Variants in OPLAH observed in about 807,000 individuals in gnomAD.
OPLAH encodes the protein 5-oxoprolinase.
In OPLAH, 103 loss-of-function variants were observed where a neutral mutation model predicts 122.8. The observed-to-expected ratio is 0.84, with a 90% CI of 0.71 to 0.99. OPLAH has a LOEUF of 0.99. OPLAH is among the 50% of genes least tolerant of loss of function. OPLAH has a pLI of 0.00. For synonymous variants in OPLAH, 875 were observed against 796.0 expected (o/e 1.10, Z -1.67); for missense variants, 1,902 against 1,836.5 (o/e 1.04, Z -0.65).
rs1835494505 is a variant in OPLAH at position 144,055,673 on chromosome 8, C to T, written c.2248+115G>A. 1.1e-5 allele frequency: 14 copies of T among 1,293,664 alleles called. No individual in the cohort carries two copies. Among genetic ancestry groups the T allele is most frequent in the Admixed American group, 3.2e-5 (1 of 31,322 alleles). 80.1% of individuals were successfully genotyped at this position (1,293,664 alleles called of 1,614,324 possible). A position where few individuals can be genotyped will look rare whatever the true frequency, so the allele number is the denominator to read the frequency against. On this transcript the variant is annotated intron_variant, in intron 16 of 26. Coordinates refer to ENST00000618853, the MANE Select transcript of OPLAH (RefSeq NM_017570.5). The surrounding 1 kb of genome is among the most constrained non-coding windows in gnomAD (Gnocchi z 6.5). ...ACACCAGTGCTGCGGCCACACTGCC[C>T]GCCCCGTCGCCAGGGGGTCCTGCTT...
Position 144,051,294 on chromosome 8 carries a change from G to C in OPLAH, c.*32C>G, listed in dbSNP as rs782140510. ...GCGCCGTAGCTGCGTCCCCAGAACC[G>C]GGAGACTTAAGGCATCTTTATTGCG... On this transcript the variant is annotated 3_prime_UTR_variant, in exon 27 of 27. Coordinates refer to ENST00000618853, the MANE Select transcript of OPLAH (RefSeq NM_017570.5). 2 of 1,608,678 alleles carry C rather than the reference G, an allele frequency of 1.2e-6. No individual in the cohort carries two copies. Among genetic ancestry groups the C allele is most frequent in the Non-Finnish European group, 1.7e-6 (2 of 1,178,308 alleles).
chr8:144,051,482 C>CGGGGGGGGGGGGGGTGGGGGG lies in OPLAH; in HGVS notation c.3721-11_3721-10insCCCCCCACCCCCCCCCCCCCC. On this transcript the variant is annotated splice_polypyrimidine_tract_variant and intron_variant, in intron 26 of 26. Coordinates refer to ENST00000618853, the MANE Select transcript of OPLAH (RefSeq NM_017570.5). Reference sequence around the variant, plus strand: ...GGAGACAGAACACATCCTGTTGGCGCGGGGGGGGGCGGGGAGGCGGGCTCA... The same window carrying CGGGGGGGGGGGGGGTGGGGGG: ...GGAGACAGAACACATCCTGTTGGCGCGGGGGGGGGGGGGGTGGGGGGGGGGGGGGGCGGGGAGGCGGGCTCA... The CGGGGGGGGGGGGGGTGGGGGG allele has an allele frequency of 3.6e-6, 1 of 278,384 alleles. No individual in the cohort carries two copies. 17.2% of individuals were successfully genotyped at this position (278,384 alleles called of 1,614,324 possible).
Position 144,056,532 on chromosome 8 carries a change from C to CTGA in OPLAH, c.1845-10_1845-9insTCA. On this transcript the variant is annotated splice_polypyrimidine_tract_variant and intron_variant, in intron 13 of 26. Coordinates refer to ENST00000618853, the MANE Select transcript of OPLAH (RefSeq NM_017570.5). ...CAAACTCCCTCATGTACCTGCACTC[C>CTGA]CCGCGGGGACCCAAGGAGTGGTCAG... The CTGA allele has an allele frequency of 6.2e-7, 1 of 1,612,142 alleles. No homozygotes were observed. The highest frequency in any genetic ancestry group is 8.5e-7 in the Non-Finnish European group (1 of 1,179,644).
At chr8:144,051,857 CCAGGGGCGGGGG>C in intron 25 of OPLAH, 31 bp from the exon 26 acceptor site, 3 of 1,142,154 alleles carry the variant, frequency 2.6e-6, no homozygotes, top group Admixed American at 4.4e-5. Context: ...TCCAGAGAGA[CCAGGGGCGGGGG>C]TGGGGGCGGG....
chr8:144,055,806 G>C lies in OPLAH; in HGVS notation c.2230C>G (p.Arg744Gly). The part of the protein sequence containing the change: ...DPIQLSIFSH[R>G]FMSIAEQMGR... ...CACTCACCAGCAATGCTCATGAAGC[G>C]GTGTGAGAAGATGGACAGCTGGATA... The change falls in exon 16 of 27, where the codon CGC (arginine) becomes GGC (glycine). Residue 744 changes from arginine to glycine, a missense_variant. Physicochemically the swap from Arg to Gly is moderately radical, Grantham distance 125. Coordinates refer to ENST00000618853, the MANE Select transcript of OPLAH (RefSeq NM_017570.5). This position sits in a 1 kb window ranked among gnomAD's most constrained non-coding sequence, Gnocchi z 6.5. 6.4e-7 allele frequency: 1 copy of C among 1,554,374 alleles called. No homozygotes were observed. Among genetic ancestry groups the C allele is most frequent in the African/African-American group, 1.4e-5 (1 of 73,238 alleles).
chr8:144,055,955 C>A lies in OPLAH; in HGVS notation c.2097-16G>T. 6.4e-7 allele frequency: 1 copy of A among 1,554,312 alleles called. No homozygotes were observed. The highest frequency in any genetic ancestry group is 8.7e-7 in the Non-Finnish European group (1 of 1,146,802). On this transcript the variant is annotated splice_polypyrimidine_tract_variant and intron_variant, in intron 15 of 26. Coordinates refer to ENST00000618853, the MANE Select transcript of OPLAH (RefSeq NM_017570.5). The surrounding 1 kb of genome is among the most constrained non-coding windows in gnomAD (Gnocchi z 6.5). Reference sequence around the variant, plus strand: ...CAGGATGGTGCTGGGGAGCAGAGGGCACAGAGGGCTGCATGGGGCCAGGCG... The same window carrying A: ...CAGGATGGTGCTGGGGAGCAGAGGGAACAGAGGGCTGCATGGGGCCAGGCG...
downstream of OPLAH, chr8:144,050,445 T>C (rs1025394585): frequency 1.0e-4 from 103 of 985,402 alleles, no homozygotes; most frequent in Non-Finnish European, 1.2e-4. Context: ...TAAACTTCGA[T>C]AACTGCTGGA....
intron 12 of OPLAH, 26 bp from the exon 13 acceptor site, chr8:144,056,781 A>C: frequency 6.3e-7 from 1 of 1,589,182 alleles, no homozygotes; most frequent in Non-Finnish European, 8.6e-7. Flanking sequence ...GGGGGCACTC[A>C]CACCAAACCC....
At position 144,054,669 on chromosome 8, in the gene OPLAH, C is replaced by G; in HGVS notation, c.2578G>C (p.Gly860Arg). ...GGCATGGAGCCTGGTGTGATGCCCC[C>G]GATGTCTGCGTGGTGCCCTCGGCTG... ...VASRGHHADI[G>R]GITPGSMPPH... Residue 860 changes from glycine to arginine, a missense_variant, in exon 19 of 27, where the codon GGG (glycine) becomes CGG (arginine). Transcript: ENST00000618853. 1 of 1,612,490 alleles carries G rather than the reference C, an allele frequency of 6.2e-7. No individual in the cohort carries two copies. Among genetic ancestry groups the G allele is most frequent in the Non-Finnish European group, 8.5e-7 (1 of 1,179,782 alleles).
Position 144,051,491 on chromosome 8 carries a change from G to GTGTT in OPLAH, c.3721-20_3721-19insAACA. Reference sequence around the variant, plus strand: ...ACACATCCTGTTGGCGCGGGGGGGGGCGGGGAGGCGGGCTCAGTGCAGGCG... The same window carrying GTGTT: ...ACACATCCTGTTGGCGCGGGGGGGGGTGTTCGGGGAGGCGGGCTCAGTGCAGGCG... On this transcript the variant is annotated intron_variant, in intron 26 of 26. Coordinates refer to ENST00000618853, the MANE Select transcript of OPLAH (RefSeq NM_017570.5). 1 of 1,381,856 alleles carries GTGTT rather than the reference G, an allele frequency of 7.2e-7. No homozygotes were observed. 85.6% of individuals were successfully genotyped at this position (1,381,856 alleles called of 1,614,324 possible).
Position 144,055,251 on chromosome 8 carries a change from G to A in OPLAH, c.2249-62C>T, listed in dbSNP as rs1358188168. On this transcript the variant is annotated intron_variant, in intron 16 of 26. Coordinates refer to ENST00000618853, the MANE Select transcript of OPLAH (RefSeq NM_017570.5). This position sits in a 1 kb window ranked among gnomAD's most constrained non-coding sequence, Gnocchi z 6.5. ...CCACCCACAGCCTGGCCCCAGGAAA[G>A]GGAGGAACAGGACCCACCAGGACTC... The A allele has an allele frequency of 1.4e-6, 2 of 1,467,620 alleles. No individual in the cohort carries two copies. Among genetic ancestry groups the A allele is most frequent in the African/African-American group, 1.4e-5 (1 of 70,458 alleles). The allele number at this position is 1,467,620 out of a possible 1,614,324, so 90.9% of individuals were successfully genotyped here.
In OPLAH at chr8:144,058,448, C is replaced by T. The variant is rs782310840; in HGVS notation, c.784-44G>A. ...CGGGCCATGAGGGGCAGGCCAAGGCCCAGGCCCAGGCCCAGGAGTGGGCAG... is the reference window on the plus strand; with the variant it reads ...CGGGCCATGAGGGGCAGGCCAAGGCTCAGGCCCAGGCCCAGGAGTGGGCAG... On this transcript the variant is annotated intron_variant, in intron 6 of 26. Transcript: ENST00000618853. 3 of 1,577,670 alleles carry T rather than the reference C, an allele frequency of 1.9e-6. No individual in the cohort carries two copies. The African/African-American group carries it at 4.0e-5, about 21-fold the overall frequency.
At chr8:144,050,991 G>A (rs782049487), downstream of OPLAH, 1 of 1,090,578 alleles carries the variant, frequency 9.2e-7, no homozygotes, top group African/African-American at 1.7e-5. Context: ...CGGCCTTCCC[G>A]GCAGAAGCCG....
In OPLAH at chr8:144,051,798, G is replaced by A. The variant is rs369984464; in HGVS notation, c.3651C>T (p.Asn1217=). Reference sequence around the variant, plus strand: ...TCCGGCCGTTTTTGCGGATCAGCAGGTTTAGGCCGCGGGCGCCAGGCTCGC... The same window carrying A: ...TCCGGCCGTTTTTGCGGATCAGCAGATTTAGGCCGCGGGCGCCAGGCTCGC... ...HGGEPGARGL[N]LLIRKNGRTV... Residue 1217 remains asparagine (N), a synonymous_variant, in exon 26 of 27, where the codon AAC becomes AAT. Coordinates refer to ENST00000618853, the MANE Select transcript of OPLAH (RefSeq NM_017570.5). 70 of 1,601,744 alleles carry A rather than the reference G, an allele frequency of 4.4e-5. 1 individual carries two copies. Among genetic ancestry groups the A allele is most frequent in the South Asian group, 5.6e-5 (5 of 89,764 alleles).
In OPLAH at chr8:144,051,492, C is replaced by CGGGGGGGG; in HGVS notation, c.3721-21_3721-20insCCCCCCCC. ...CACATCCTGTTGGCGCGGGGGGGGGCGGGGAGGCGGGCTCAGTGCAGGCGT... is the reference window on the plus strand; with the variant it reads ...CACATCCTGTTGGCGCGGGGGGGGGCGGGGGGGGGGGGAGGCGGGCTCAGTGCAGGCGT... On this transcript the variant is annotated intron_variant, in intron 26 of 26. Transcript: ENST00000618853. The CGGGGGGGG allele has an allele frequency of 2.4e-6, 1 of 413,256 alleles. No individual in the cohort carries two copies. Among genetic ancestry groups the CGGGGGGGG allele is most frequent in the Non-Finnish European group, 3.4e-6 (1 of 292,056 alleles). The allele number at this position is 413,256 out of a possible 1,614,324, so 25.6% of individuals were successfully genotyped here.
chr8:144,054,804 C>A lies in OPLAH; in HGVS notation c.2511+8G>T, dbSNP rs782118696. On this transcript the variant is annotated splice_region_variant and intron_variant, in intron 18 of 26. Transcript: ENST00000618853. ...CCCCAGCAGAGGCAGGCGGGCAGCA[C>A]CCCTCACCGGTGTGATAACAGTCAG... The A allele has an allele frequency of 1.9e-6, 3 of 1,612,110 alleles. No individual in the cohort carries two copies. The South Asian group carries it at 3.3e-5, about 18-fold the overall frequency.
At chr8:144,056,113 C>G (rs782228474) in intron 15 of OPLAH, 34 bp downstream of exon 15, 2 of 1,585,544 alleles carry the variant, frequency 1.3e-6, no homozygotes, top group South Asian at 2.2e-5. Context: ...GTGGACCCGT[C>G]CACATCCTCC....
chr8:144,059,905 T>C lies in OPLAH; in HGVS notation c.128A>G (p.Tyr43Cys). Residue 43 changes from tyrosine to cysteine, a missense_variant, in exon 2 of 27, where the codon TAT (tyrosine) becomes TGT (cysteine). This residue lies in a region of OPLAH where 168 missense variants were observed against 170.6 expected (regional missense o/e 0.98). Coordinates refer to ENST00000618853, the MANE Select transcript of OPLAH (RefSeq NM_017570.5). ...GATGCCTTCGGTTGGCGCGTCCGCA[T>C]AGTTGGCAGGGTCCTCTGAGAGCAG... ...LKLLSEDPANYADAPTEGIRR... is the reference protein window; with the variant it reads ...LKLLSEDPANCADAPTEGIRR... The C allele has an allele frequency of 2.5e-6, 4 of 1,612,782 alleles. No homozygotes were observed. Among genetic ancestry groups the C allele is most frequent in the Non-Finnish European group, 3.4e-6 (4 of 1,179,824 alleles).
In OPLAH at chr8:144,051,346, G is replaced by A. The variant is rs1293057372; in HGVS notation, c.3847C>T (p.Arg1283Trp). The A allele has an allele frequency of 6.2e-7, 1 of 1,611,602 alleles. No individual in the cohort carries two copies. Among genetic ancestry groups the A allele is most frequent in the Non-Finnish European group, 8.5e-7 (1 of 1,179,346 alleles). ...GATCCTCACACGGCCTCCTGGGCCC[G>A]GCGATACTCATAGACGCTGCCGTGC... ...PEHGSVYEYRRAQEAV is the reference protein window; with the variant it reads ...PEHGSVYEYRWAQEAV Residue 1283 changes from arginine to tryptophan, a missense_variant, in exon 27 of 27, where the codon CGG becomes TGG. Arg to Trp is a moderately radical substitution (Grantham distance 101, BLOSUM62 -3). This residue lies in a region of OPLAH where 1,726 missense variants were observed against 1,642.1 expected (regional missense o/e 1.05). Coordinates refer to ENST00000618853, the MANE Select transcript of OPLAH (RefSeq NM_017570.5).
Sources: gnomAD v4.1 joint callset for allele counts on GRCh38, gnomAD v4.1.1 for gene constraint, gnomAD v4.1.1 regional missense constraint, Gnocchi (gnomAD v3.1) non-coding constraint, MANE v1.5 for transcripts, NCBI Gene and HGNC (gene_info 2026-07-23, HGNC 2026-07-21) for gene names.